MAGI3: variants seen among roughly 807,000 people sequenced by gnomAD.
MAGI3 encodes the protein membrane associated guanylate kinase, WW and PDZ domain containing 3, also known as membrane-associated guanylate kinase, WW and PDZ domain-containing protein 3.
MAGI3 carries 43 observed loss-of-function variants against 121.8 expected under a neutral mutation model. The observed-to-expected ratio is 0.35, with a 90% CI of 0.28 to 0.46. MAGI3 has a LOEUF of 0.46. MAGI3 is among the 20% of genes least tolerant of loss of function. The pLI is 1.00. For missense variants in MAGI3, 1,547 were observed against 1,797.3 expected, an observed-to-expected ratio of 0.86 and a Z score of 2.52; for synonymous variants, 553 against 639.3, an observed-to-expected ratio of 0.86 and a Z score of 2.04.
At chr1:113,553,265 C>CT (rs1211362018) in intron 2 of MAGI3, among the ~76,000 whole-genome samples, 1 of 152,110 alleles carries the variant, frequency 6.6e-6, no homozygotes, top group Non-Finnish European at 1.5e-5. Context: ...ACAATGGACT[C>CT]TGAGTTGAAG....
intron 12 of MAGI3, among the ~76,000 whole-genome samples, chr1:113,648,582 G>T (rs910807909): frequency 2.6e-5 from 4 of 151,804 alleles, no homozygotes; most frequent in African/African-American, 7.3e-5. Flanking sequence ...TGAGTTAGGA[G>T]ATTAGACCCT....
intron 1 of MAGI3, among the ~76,000 whole-genome samples, chr1:113,418,574 T>G (rs1652573550): frequency 6.6e-6 from 1 of 152,138 alleles, no homozygotes; most frequent in Admixed American, 6.6e-5. Context: ...TAATACTGCC[T>G]TGTAGTCTTC....
intron 1 of MAGI3, among the ~76,000 whole-genome samples, chr1:113,491,439 T>C (rs1300294930): frequency 1.3e-5 from 2 of 152,122 alleles, no homozygotes; most frequent in Admixed American, 1.3e-4. Context: ...AGGTCTCAGC[T>C]TGACAACCTA....
In MAGI3 at chr1:113,642,281, G is replaced by A. The variant is rs769919099; in HGVS notation, c.1731G>A (p.Val577=). ...ASSGSSQPEL[V]TIPLIKGPKG... ...CAGGCAGCTCCCAGCCTGAACTAGTGACTATCCCTTTGATTAAGGGCCCTA... is the reference window on the plus strand; with the variant it reads ...CAGGCAGCTCCCAGCCTGAACTAGTAACTATCCCTTTGATTAAGGGCCCTA... Residue 577 remains valine, a synonymous_variant, in exon 10 of 21, where the codon GTG becomes GTA. Coordinates refer to ENST00000307546, the MANE Select transcript of MAGI3 (RefSeq NM_001142782.2). The A allele has an allele frequency of 6.2e-7, 1 of 1,614,158 alleles. No homozygotes were observed. Among genetic ancestry groups the A allele is most frequent in the South Asian group, 1.1e-5 (1 of 91,076 alleles).
intron 4 of MAGI3, among the ~76,000 whole-genome samples, chr1:113,588,059 A>G (rs1419493547): frequency 6.6e-6 from 1 of 152,226 alleles, no homozygotes; most frequent in Non-Finnish European, 1.5e-5. Context: ...CTGGTGGGAG[A>G]GACAGAACTG....
chr1:113,558,304 C>T (rs1660082309), intron 2 of MAGI3, among the ~76,000 whole-genome samples: 1 of 152,102 alleles, frequency 6.6e-6, no homozygotes, highest in East Asian at 1.9e-4. Flanking sequence ...TGCAAAGAAG[C>T]TAAGAATTAT....
intron 1 of MAGI3, among the ~76,000 whole-genome samples, chr1:113,504,185 A>G (rs1469242072): frequency 6.6e-6 from 1 of 152,088 alleles, no homozygotes; most frequent in African/African-American, 2.4e-5. Context: ...TGTTGATTAA[A>G]CAGGAAATCT....
chr1:113,645,988 T>C (rs1004694914), intron 11 of MAGI3, among the ~76,000 whole-genome samples: 4 of 152,228 alleles, frequency 2.6e-5, no homozygotes, highest in African/African-American at 9.6e-5. Flanking sequence ...GTTTTCACAG[T>C]GCCATCTTTA....
chr1:113,562,798 G>A (rs1557825010), intron 2 of MAGI3, among the ~76,000 whole-genome samples: 1 of 152,174 alleles, frequency 6.6e-6, no homozygotes, highest in Non-Finnish European at 1.5e-5. Flanking sequence ...ACACGTTTAT[G>A]TAACAAACCT....
chr1:113,616,006 C>T (rs997998099), intron 7 of MAGI3, among the ~76,000 whole-genome samples: 1 of 152,046 alleles, frequency 6.6e-6, no homozygotes, highest in Admixed American at 6.6e-5. Flanking sequence ...CACTGCTGAA[C>T]ATTTCTGAGA....
chr1:113,608,398 A>G (rs1649921264), intron 6 of MAGI3, among the ~76,000 whole-genome samples: 1 of 152,188 alleles, frequency 6.6e-6, no homozygotes, highest in South Asian at 2.1e-4. Context: ...TTTATAGTCA[A>G]TAGAGAAATA....
intron 1 of MAGI3, among the ~76,000 whole-genome samples, chr1:113,542,835 C>T (rs1347910293): frequency 6.6e-6 from 1 of 152,094 alleles, no homozygotes; most frequent in Non-Finnish European, 1.5e-5. Flanking sequence ...TAGGACAGCG[C>T]TTACAATGTT....
chr1:113,449,638 TA>T (rs2101482171), intron 1 of MAGI3: 2 of 694,286 alleles, frequency 2.9e-6, no homozygotes, highest in East Asian at 2.6e-5. Context: ...GTTTGCTGAT[TA>T]AAAAATTTTT....
At chr1:113,602,020 A>G (rs1239742633) in intron 6 of MAGI3, among the ~76,000 whole-genome samples, 3 of 152,110 alleles carry the variant, frequency 2.0e-5, no homozygotes, top group Non-Finnish European at 4.4e-5. Context: ...GGAACTGAAC[A>G]ATGAGAACAC....
intron 1 of MAGI3, among the ~76,000 whole-genome samples, chr1:113,440,178 T>C (rs903088783): frequency 6.6e-6 from 1 of 152,206 alleles, no homozygotes; most frequent in African/African-American, 2.4e-5. Context: ...TTTTGTGCAG[T>C]GCTGGGCACA....
rs1653646209 is a variant in MAGI3, at chr1:113,659,177, G to T, written c.2727G>T (p.Gln909His). Reference protein sequence around the residue: ...VGDHISAVNGQSIVELSHDNI... With the variant: ...VGDHISAVNGHSIVELSHDNI... ...ATCATATCTCTGCAGTGAATGGGCA[G>T]TCCATTGTTGAACTGTCTCATGATA... is the stretch of plus-strand genomic sequence containing the variant. Residue 909 changes from glutamine to histidine, a missense_variant, in exon 16 of 21, where the codon CAG (glutamine) becomes CAT (histidine). Transcript: ENST00000307546. 1.2e-6 allele frequency: 2 copies of T among 1,614,078 alleles called. No individual in the cohort carries two copies. The highest frequency in any genetic ancestry group is 1.7e-4 in the Middle Eastern group (1 of 6,058).
intron 13 of MAGI3, among the ~76,000 whole-genome samples, chr1:113,650,732 G>C (rs904859467): frequency 6.6e-6 from 1 of 152,160 alleles, no homozygotes. Context: ...TAATGATAGG[G>C]ATAATGGTTG....
chr1:113,578,513 T>C (rs982424325), intron 2 of MAGI3, among the ~76,000 whole-genome samples: 1 of 152,106 alleles, frequency 6.6e-6, no homozygotes. Context: ...CTTCAACTCC[T>C]GGTCTCAAAT....
rs1218930187 is a variant in MAGI3 at position 113,497,306 on chromosome 1, T to C, written c.317-52209T>C. 2.7e-4 allele frequency among the ~76,000 whole-genome samples: 35 copies of C among 128,744 alleles called. 4 individuals are homozygous for C. In the Admixed American group the frequency reaches 2.9e-3, roughly 11 times the overall value. 84.5% of individuals were successfully genotyped at this position (128,744 alleles called of 152,430 possible). On this transcript the variant is annotated intron_variant, in intron 1 of 20. Coordinates refer to ENST00000307546, the MANE Select transcript of MAGI3 (RefSeq NM_001142782.2). ...CTGCATTTCCATCTGAGGTACCGGG[T>C]TCATCTCACTAGGGAGTGCCAGACA...
Sources: allele counts gnomAD v4.1 joint callset (sites outside exome capture counted in the v4.1 genomes callset), GRCh38; gene constraint gnomAD v4.1.1; transcripts MANE v1.5; gene names NCBI Gene and HGNC (gene_info 2026-07-23, HGNC 2026-07-21).